C19orf44: variants seen among roughly 807,000 people sequenced by gnomAD.
C19orf44 encodes the protein chromosome 19 open reading frame 44.
C19orf44 carries 43 observed loss-of-function variants against 50.7 expected under a neutral mutation model. The observed-to-expected ratio is 0.85, with a 90% CI of 0.66 to 1.09. The LOEUF is 1.09. Among genes scored for constraint, C19orf44 ranks in the 50% least tolerant of loss-of-function variants. C19orf44 has a pLI of 0.00. For missense variants in C19orf44, 722 were observed against 836.2 expected, an observed-to-expected ratio of 0.86 and a Z score of 1.68; for synonymous variants, 298 against 334.7, an observed-to-expected ratio of 0.89 and a Z score of 1.20.
intron 8 of C19orf44, chr19:16,518,067 AT>A (rs1441937910): frequency 6.6e-6 from 1 of 152,144 alleles, no homozygotes; most frequent in Non-Finnish European, 1.5e-5. Flanking sequence ...AAGATTTTGC[AT>A]CTTATTGAAA....
At position 16,519,373 on chromosome 19, in the gene C19orf44, A is replaced by G. The variant is rs2085584588; in HGVS notation, c.*41-721A>G. ...CCAGCCTGGAAACAGAGACGCAGTC[A>G]CAACCACAACAAGGCGGAGGCAGAT... On this transcript the variant is annotated intron_variant, in intron 8 of 8. Coordinates refer to ENST00000221671, the MANE Select transcript of C19orf44 (RefSeq NM_032207.4). The surrounding 1 kb of genome is among the most constrained non-coding windows in gnomAD (Gnocchi z 6.0). 4 of 1,606,058 alleles carry G rather than the reference A, an allele frequency of 2.5e-6. No individual in the cohort carries two copies. The highest frequency in any genetic ancestry group is 3.4e-6 in the Non-Finnish European group (4 of 1,177,508).
At chr19:16,500,079 G>A (rs890763369) in intron 1 of C19orf44, among the ~76,000 whole-genome samples, 1 of 151,832 alleles carries the variant, frequency 6.6e-6, no homozygotes, top group Non-Finnish European at 1.5e-5. Flanking sequence ...GAGCCACCAC[G>A]CCTGGCGCTT....
intron 4 of C19orf44, among the ~76,000 whole-genome samples, chr19:16,508,160 A>G (rs1416185714): frequency 1.3e-5 from 2 of 151,504 alleles, no homozygotes; most frequent in African/African-American, 2.4e-5. Flanking sequence ...CTGGGACTAC[A>G]GTGGCACAAT....
intron 2 of C19orf44, 137 bp from the exon 3 acceptor site, chr19:16,502,928 T>C: frequency 1.4e-6 from 1 of 729,840 alleles, no homozygotes; most frequent in South Asian, 1.9e-5. Flanking sequence ...ATGTCGAGGC[T>C]ACAGTGAGCT....
chr19:16,496,516 G>T, intron 1 of C19orf44, 51 bp downstream of exon 1: 1 of 314,798 alleles, frequency 3.2e-6, no homozygotes. Context: ...GGGCTCGCGA[G>T]GGGGATACGG....
At chr19:16,507,142 T>C (rs1015143104) in intron 4 of C19orf44, among the ~76,000 whole-genome samples, 6 of 152,248 alleles carry the variant, frequency 3.9e-5, no homozygotes, top group African/African-American at 1.4e-4. Context: ...CCAGGAACAC[T>C]GCTCCATATT....
chr19:16,509,398 G>C, intron 4 of C19orf44, 101 bp from the exon 5 acceptor site: 5 of 1,447,232 alleles, frequency 3.5e-6, no homozygotes, highest in Non-Finnish European at 4.7e-6. Flanking sequence ...CCCCTTGTCT[G>C]CGGGAGTGCT....
chr19:16,509,771 C>T lies in C19orf44; in HGVS notation c.1422C>T (p.Asn474=). The T allele has an allele frequency of 6.2e-7, 1 of 1,614,256 alleles. No homozygotes were observed. The highest frequency in any genetic ancestry group is 8.5e-7 in the Non-Finnish European group (1 of 1,180,046). ...CAGCTTATTCGGAGGATTTTGAAAA[C>T]TCTCCAAGTCTGACAGCATCTGAGC... The part of the protein sequence containing the change: ...VSSAYSEDFE[N]SPSLTASEPT... The change falls in exon 5 of 9, where the codon AAC becomes AAT. Residue 474 remains asparagine, a synonymous_variant. Coordinates refer to ENST00000221671, the MANE Select transcript of C19orf44 (RefSeq NM_032207.4).
intron 1 of C19orf44, 132 bp downstream of exon 1, chr19:16,496,597 G>C: frequency 8.3e-6 from 2 of 240,078 alleles, no homozygotes; most frequent in Non-Finnish European, 1.7e-5. Context: ...CAGTTTCCCT[G>C]TCTGGGGTCT....
At chr19:16,497,526 T>C (rs2093413302) in intron 1 of C19orf44, among the ~76,000 whole-genome samples, 1 of 151,774 alleles carries the variant, frequency 6.6e-6, no homozygotes, top group Non-Finnish European at 1.5e-5. Context: ...AATTTTTGTA[T>C]TGTTAGTAGA....
At chr19:16,510,271 G>A (rs2093453424) in intron 5 of C19orf44, 1 of 399,216 alleles carries the variant, frequency 2.5e-6, no homozygotes, top group South Asian at 2.1e-5. Flanking sequence ...GCTGGCTGTG[G>A]TGGTGTGTTC....
Position 16,519,166 on chromosome 19 carries a change from C to T in C19orf44, c.*41-928C>T, listed in dbSNP as rs1441074114. On this transcript the variant is annotated intron_variant, in intron 8 of 8. Coordinates refer to ENST00000221671, the MANE Select transcript of C19orf44 (RefSeq NM_032207.4). The surrounding 1 kb of genome is among the most constrained non-coding windows in gnomAD (Gnocchi z 6.0). ...GGCTCCCGGCATGGGCGCCTACTTACACTCGTCCCTGGCCTTCATGCGGGC... is the reference window on the plus strand; with the variant it reads ...GGCTCCCGGCATGGGCGCCTACTTATACTCGTCCCTGGCCTTCATGCGGGC... The T allele has an allele frequency of 3.1e-6, 5 of 1,613,044 alleles. No homozygotes were observed. The Admixed American group carries it at 8.3e-5, about 27-fold the overall frequency.
In C19orf44 at chr19:16,501,311, T is replaced by G. The variant is rs758018942; in HGVS notation, c.519T>G (p.Phe173Leu). 1.9e-6 allele frequency: 3 copies of G among 1,614,146 alleles called. No individual in the cohort carries two copies. In the East Asian group the frequency reaches 6.7e-5, roughly 36 times the overall value. ...NNAQNAKVSR[F>L]LKKKQAPVEN... ...CACAGAACGCGAAGGTCAGTAGGTTTCTAAAGAAGAAACAAGCACCTGTTG... is the reference window on the plus strand; with the variant it reads ...CACAGAACGCGAAGGTCAGTAGGTTGCTAAAGAAGAAACAAGCACCTGTTG... The change falls in exon 2 of 9, where the codon TTT becomes TTG. Residue 173 changes from phenylalanine (F) to leucine (L), a missense_variant. Transcript: ENST00000221671.
In C19orf44 at chr19:16,521,046, G is replaced by A. The variant is rs531505482; in HGVS notation, c.*993G>A. 4.2e-5 allele frequency: 32 copies of A among 754,004 alleles called. No homozygotes were observed. The highest frequency in any genetic ancestry group is 2.3e-4 in the Middle Eastern group (1 of 4,400). 46.7% of individuals were successfully genotyped at this position (754,004 alleles called of 1,614,324 possible). ...GTGGCTGTGGGCTCCGAGCATGGGC[G>A]CAGTAGAGCTTGGTTCAGTGTTCCC... On this transcript the variant is annotated 3_prime_UTR_variant, in exon 9 of 9. Coordinates refer to ENST00000221671, the MANE Select transcript of C19orf44 (RefSeq NM_032207.4).
intron 1 of C19orf44, among the ~76,000 whole-genome samples, 174 bp from the exon 2 acceptor site, chr19:16,500,618 C>G (rs1473563175): frequency 4.6e-5 from 7 of 151,938 alleles, no homozygotes. Flanking sequence ...GCTGGGATTA[C>G]AGGTGTGAGC....
intron 4 of C19orf44, among the ~76,000 whole-genome samples, chr19:16,507,823 A>C (rs866122860): frequency 2.3e-4 from 35 of 148,954 alleles, no homozygotes; most frequent in Middle Eastern, 3.5e-3. Context: ...TATTATTTTG[A>C]GACAGAGTCT....
Position 16,521,063 on chromosome 19 carries a change from A to G in C19orf44, c.*1010A>G. 4 of 694,874 alleles carry G rather than the reference A, an allele frequency of 5.8e-6. No individual in the cohort carries two copies. Among genetic ancestry groups the G allele is most frequent in the Non-Finnish European group, 2.6e-6 (1 of 391,570 alleles). 43.0% of individuals were successfully genotyped at this position (694,874 alleles called of 1,614,324 possible). A position where few individuals can be genotyped will look rare whatever the true frequency, so the allele number is the denominator to read the frequency against. Reference sequence around the variant, plus strand: ...GCATGGGCGCAGTAGAGCTTGGTTCAGTGTTCCCACAGGGCTGTCCTCCTG... The same window carrying G: ...GCATGGGCGCAGTAGAGCTTGGTTCGGTGTTCCCACAGGGCTGTCCTCCTG... On this transcript the variant is annotated 3_prime_UTR_variant, in exon 9 of 9. Coordinates refer to ENST00000221671, the MANE Select transcript of C19orf44 (RefSeq NM_032207.4).
rs866039171 is a variant in C19orf44 at position 16,504,615 on chromosome 19, G to T, written c.1075+1235G>T. On this transcript the variant is annotated intron_variant, in intron 3 of 8. Coordinates refer to ENST00000221671, the MANE Select transcript of C19orf44 (RefSeq NM_032207.4). The stretch of plus-strand genomic sequence containing the variant: ...CTGTCTTCTGTCTGTTTTTTTTTTT[G>T]TTTGTTTGTTTTTTTGAGATGTTGC... Among the ~76,000 whole-genome samples the T allele has an allele frequency of 1.1e-3, 156 of 145,688 alleles. 1 individual carries two copies. Among genetic ancestry groups the T allele is most frequent in the East Asian group, 9.4e-3 (48 of 5,086 alleles).
At chr19:16,513,733 A>G (rs1157723322) in intron 6 of C19orf44, among the ~76,000 whole-genome samples, 1 of 152,190 alleles carries the variant, frequency 6.6e-6, no homozygotes, top group African/African-American at 2.4e-5. Context: ...TACATCAATA[A>G]GCCATAGTTT....
Sources: gnomAD v4.1 joint callset for allele counts (sites outside exome capture counted in the v4.1 genomes callset) on GRCh38, gnomAD v4.1.1 for gene constraint, Gnocchi (gnomAD v3.1) non-coding constraint, MANE v1.5 for transcripts, NCBI Gene and HGNC (gene_info 2026-07-23, HGNC 2026-07-21) for gene names.